Variants in NRXN1 observed in about 807,000 individuals in gnomAD.
NRXN1 encodes neurexin 1.
NRXN1 carries 39 observed loss-of-function variants against 150.9 expected under a neutral mutation model. That is an observed-to-expected ratio of 0.26 (90% CI 0.20 to 0.34). The LOEUF (loss-of-function observed/expected upper bound fraction) is 0.34, where lower values mean the gene tolerates loss of function less well. Among genes scored for constraint, NRXN1 ranks in the 10% least tolerant of loss-of-function variants. NRXN1 has a pLI of 1.00. For missense variants in NRXN1, 1,815 were observed against 1,949.9 expected, an observed-to-expected ratio of 0.93 and a Z score of 1.30; for synonymous variants, 924 against 757.0, an observed-to-expected ratio of 1.22 and a Z score of -3.62.
chr2:50,300,412 G>C (rs1712880), intron 17 of NRXN1, among the ~76,000 whole-genome samples: 74,781 of 152,048 alleles, frequency 0.49, 19,621 homozygotes, highest in Non-Finnish European at 0.57. Flanking sequence ...ACCAACTCCA[G>C]TGGGAAAGTC....
At chr2:50,742,239 CAT>C (rs1699513729) in intron 5 of NRXN1, among the ~76,000 whole-genome samples, 1 of 151,620 alleles carries the variant, frequency 6.6e-6, no homozygotes, top group East Asian at 2.0e-4. Context: ...GCAATATTTA[CAT>C]ATATATAAAT....
chr2:51,024,140 T>A (rs1251570823), intron 2 of NRXN1, among the ~76,000 whole-genome samples: 1 of 152,162 alleles, frequency 6.6e-6, no homozygotes, highest in Admixed American at 6.5e-5. Flanking sequence ...GATCTATGAG[T>A]GCTCTTAAGT....
intron 21 of NRXN1, among the ~76,000 whole-genome samples, chr2:50,002,401 G>A (rs982517226): frequency 1.4e-4 from 22 of 152,096 alleles, no homozygotes; most frequent in African/African-American, 5.1e-4. Flanking sequence ...AGTACATTTA[G>A]GACAGAAAGA....
At chr2:50,006,944 G>C (rs2152540342) in intron 21 of NRXN1, among the ~76,000 whole-genome samples, 1 of 152,226 alleles carries the variant, frequency 6.6e-6, no homozygotes, top group Admixed American at 6.6e-5. Flanking sequence ...TTTGAAGAGA[G>C]GCTAGATGCT....
At chr2:50,408,013 A>G (rs963809112) in intron 17 of NRXN1, among the ~76,000 whole-genome samples, 1 of 152,182 alleles carries the variant, frequency 6.6e-6, no homozygotes, top group Non-Finnish European at 1.5e-5. Flanking sequence ...AATAATGACA[A>G]TGCACTCAAT....
chr2:50,339,668 G>T (rs1437177880), intron 17 of NRXN1, among the ~76,000 whole-genome samples: 1 of 152,090 alleles, frequency 6.6e-6, no homozygotes, highest in African/African-American at 2.4e-5. Flanking sequence ...TAGTATAGTG[G>T]TTACTATTTA....
chr2:50,049,895 T>A (rs1692424561), intron 21 of NRXN1, among the ~76,000 whole-genome samples: 1 of 152,082 alleles, frequency 6.6e-6, no homozygotes, highest in South Asian at 2.1e-4. Flanking sequence ...CTTTCTGAGA[T>A]TAGCCTTCTG....
At chr2:49,947,336 G>C (rs972033803) in intron 21 of NRXN1, among the ~76,000 whole-genome samples, 1 of 151,928 alleles carries the variant, frequency 6.6e-6, no homozygotes, top group Admixed American at 6.6e-5. Flanking sequence ...CATCAGCAGT[G>C]ATATTGCCAC....
intron 5 of NRXN1, among the ~76,000 whole-genome samples, chr2:50,711,758 T>C (rs1420426101): frequency 1.3e-5 from 2 of 152,148 alleles, no homozygotes; most frequent in African/African-American, 2.4e-5. Flanking sequence ...GGGAGGTATT[T>C]AGGTTATGAA....
chr2:50,847,917 G>A (rs1316245158), intron 5 of NRXN1, among the ~76,000 whole-genome samples: 1 of 152,120 alleles, frequency 6.6e-6, no homozygotes, highest in Admixed American at 6.5e-5. Context: ...TCAGCTGAGA[G>A]CTACTTCTAC....
intron 17 of NRXN1, among the ~76,000 whole-genome samples, chr2:50,424,399 C>T (rs1201450123): frequency 1.3e-5 from 2 of 150,634 alleles, no homozygotes; most frequent in African/African-American, 2.5e-5. Flanking sequence ...GAAATGTTTG[C>T]AAATCAGAGA....
chr2:50,489,614 T>C lies in NRXN1; in HGVS notation c.3070+6291A>G, dbSNP rs112204803. On this transcript the variant is annotated intron_variant, in intron 15 of 22. Coordinates refer to ENST00000401669, the MANE Select transcript of NRXN1 (RefSeq NM_001330078.2). ...ACCAGACAATCCCCAAGATCACTTA[T>C]ACTTCCTAAGTTCACGTGATTCTAA... Among the ~76,000 whole-genome samples, 49 of 152,152 alleles carry C rather than the reference T, an allele frequency of 3.2e-4. 1 individual carries two copies. Among genetic ancestry groups the C allele is most frequent in the African/African-American group, 1.1e-3 (44 of 41,414 alleles).
chr2:50,095,726 G>GA (rs1333338861), intron 18 of NRXN1, among the ~76,000 whole-genome samples: 1 of 150,650 alleles, frequency 6.6e-6, no homozygotes, highest in Non-Finnish European at 1.5e-5. Context: ...AAACAATTTA[G>GA]AAACAATGAG....
chr2:50,521,531 G>A (rs145602097), intron 12 of NRXN1, among the ~76,000 whole-genome samples: 1 of 152,016 alleles, frequency 6.6e-6, no homozygotes, highest in Admixed American at 6.6e-5. Flanking sequence ...TGCTCACATT[G>A]TTAATAAGTA....
At chr2:50,063,677 A>C (rs1441053125) in intron 19 of NRXN1, among the ~76,000 whole-genome samples, 1 of 151,922 alleles carries the variant, frequency 6.6e-6, no homozygotes, top group East Asian at 1.9e-4. Context: ...TGCTCCACCA[A>C]ATTATTCTAC....
chr2:50,507,684 A>G (rs2092297152), intron 12 of NRXN1, among the ~76,000 whole-genome samples: 1 of 151,356 alleles, frequency 6.6e-6, no homozygotes, highest in Non-Finnish European at 1.5e-5. Flanking sequence ...TAACATAACC[A>G]GATATTTTTA....
rs113188249 is a variant in NRXN1, at chr2:50,473,341, C to A, written c.3071-870G>T. On this transcript the variant is annotated intron_variant, in intron 15 of 22. Coordinates refer to ENST00000401669, the MANE Select transcript of NRXN1 (RefSeq NM_001330078.2). ...TCTCTCTAGGTTTGAGATTCCCCAA[C>A]TTTATGGACTATTACTTAAAAAAAA... 5.9e-3 allele frequency among the ~76,000 whole-genome samples: 892 copies of A among 151,334 alleles called. 7 individuals carry two copies. Among genetic ancestry groups the A allele is most frequent in the African/African-American group, 0.019 (798 of 41,076 alleles).
At chr2:50,277,411 C>CCTTCCTTCCTT (rs1416771533) in intron 17 of NRXN1, among the ~76,000 whole-genome samples, 6 of 65,004 alleles carry the variant, frequency 9.2e-5, no homozygotes, top group Non-Finnish European at 1.3e-4. Flanking sequence ...CTCCCTCCTT[C>CCTTCCTTCCTT]CCTTCCTTCC....
intron 18 of NRXN1, among the ~76,000 whole-genome samples, chr2:50,166,605 T>G (rs2678221): frequency 0.87 from 132,873 of 152,108 alleles, 58,363 homozygotes; most frequent in African/African-American, 0.97. Flanking sequence ...AATATATGTG[T>G]TTTTTGGCTA....
Sources: gnomAD v4.1 joint callset for allele counts (sites outside exome capture counted in the v4.1 genomes callset) on GRCh38, gnomAD v4.1.1 for gene constraint, MANE v1.5 for transcripts, NCBI Gene and HGNC (gene_info 2026-07-23, HGNC 2026-07-21) for gene names.